Variants in SERPINA1 observed in about 807,000 individuals in gnomAD.
SERPINA1 encodes alpha-1-antitrypsin.
A neutral mutation model predicts 25.4 loss-of-function variants in SERPINA1; 21 were observed. That is an observed-to-expected ratio of 0.83 (90% CI 0.59 to 1.19). SERPINA1 has a LOEUF of 1.19. SERPINA1 is among the 50% of genes most tolerant of loss of function. SERPINA1 has a pLI of 0.00. For missense variants in SERPINA1, 546 were observed against 509.0 expected (o/e 1.07, Z -0.70); for synonymous variants, 218 against 211.1 (o/e 1.03, Z -0.29).
intron 1 of SERPINA1, among the ~76,000 whole-genome samples, chr14:94,387,089 G>A (rs894536272): frequency 6.6e-6 from 1 of 152,210 alleles, no homozygotes; most frequent in African/African-American, 2.4e-5. Context: ...TCATCTCTGT[G>A]TACAAAGCTG....
chr14:94,382,755 C>G lies in SERPINA1; in HGVS notation c.483G>C (p.Leu161Phe). Residue 161 changes from leucine to phenylalanine, a missense_variant, in exon 2 of 5, where the codon TTG (leucine) becomes TTC (phenylalanine). Transcript: ENST00000393087. ...TGACAGTGAAGGCTTCTGAGTGGTA[C>G]AACTTTTTAACATCCTCCAAAAACT... ...VDKFLEDVKK[L>F]YHSEAFTVNF... 6.2e-7 allele frequency: 1 copy of G among 1,614,254 alleles called. No individual in the cohort carries two copies. Among genetic ancestry groups the G allele is most frequent in the Non-Finnish European group, 8.5e-7 (1 of 1,180,046 alleles).
At position 94,382,999 on chromosome 14, in the gene SERPINA1, C is replaced by G; in HGVS notation, c.239G>C (p.Ser80Thr). The change falls in exon 2 of 5, where the codon AGC becomes ACC. Residue 80 changes from serine to threonine, a missense_variant. Ser to Thr is a moderately conservative substitution (Grantham distance 58, BLOSUM62 1). Transcript: ENST00000393087. Reference sequence around the variant, plus strand: ...GAGCATTGCAAAGGCTGTAGCGATGCTCACTGGGGAGAAGAAGATATTGGT... The same window carrying G: ...GAGCATTGCAAAGGCTGTAGCGATGGTCACTGGGGAGAAGAAGATATTGGT... ...NSTNIFFSPV[S>T]IATAFAMLSL... 1.2e-6 allele frequency: 2 copies of G among 1,608,976 alleles called. No homozygotes were observed. Among genetic ancestry groups the G allele is most frequent in the Non-Finnish European group, 1.7e-6 (2 of 1,175,904 alleles).
In SERPINA1 at chr14:94,378,164, A is replaced by G. The variant is rs1312301456; in HGVS notation, c.*285T>C. The G allele has an allele frequency of 2.0e-6, 1 of 507,956 alleles. No homozygotes were observed. The highest frequency in any genetic ancestry group is 3.6e-6 in the Non-Finnish European group (1 of 281,502). The allele number at this position is 507,956 out of a possible 1,614,324, so 31.5% of individuals were successfully genotyped here. A position where few individuals can be genotyped will look rare whatever the true frequency, so the allele number is the denominator to read the frequency against. On this transcript the variant is annotated 3_prime_UTR_variant, in exon 5 of 5. Transcript: ENST00000393087. The stretch of plus-strand genomic sequence containing the variant: ...AGGACAAGGAAGACTGGAGCCCTCC[A>G]GAAACAGATGGGCCCAGGTCCGTAA...
At chr14:94,378,749 C>A in intron 4 of SERPINA1, 109 bp from the exon 5 acceptor site, 1 of 1,151,158 alleles carries the variant, frequency 8.7e-7, no homozygotes, top group Non-Finnish European at 1.3e-6. Context: ...CGGCCCTGGC[C>A]CTGCACATCC....
rs1339787502 is a variant in SERPINA1, at chr14:94,379,042, C to T, written c.1066-402G>A. The T allele has an allele frequency of 1.7e-5, 9 of 523,876 alleles. No individual in the cohort carries two copies. In the East Asian group the frequency reaches 2.0e-4, roughly 11 times the overall value. The allele number at this position is 523,876 out of a possible 1,614,324, so 32.5% of individuals were successfully genotyped here. On this transcript the variant is annotated intron_variant, in intron 4 of 4. Transcript: ENST00000393087. ...CATGGAACTGCAGTTGTTCATTGGT[C>T]GCCTTTAGTTTTCCAAAATAAGTGT...
rs1382063196 is a variant in SERPINA1 at position 94,376,897 on chromosome 14, G to C, written c.*1552C>G. On this transcript the variant is annotated 3_prime_UTR_variant, in exon 5 of 5. Transcript: ENST00000393087. ...GCGACTTCACGAAGGTCACACAGCT[G>C]TCAGGGGGAAAAGTCAGAACTTGGA... is the stretch of plus-strand genomic sequence containing the variant. 6.6e-6 allele frequency: 1 copy of C among 152,208 alleles called. No homozygotes were observed. The highest frequency in any genetic ancestry group is 1.9e-4 in the East Asian group (1 of 5,204). 9.4% of individuals were successfully genotyped at this position (152,208 alleles called of 1,614,324 possible).
rs1178127221 is a variant in SERPINA1 at position 94,383,202 on chromosome 14, C to T, written c.36G>A (p.Leu12=). The T allele has an allele frequency of 1.2e-6, 2 of 1,614,044 alleles. No homozygotes were observed. The highest frequency in any genetic ancestry group is 1.7e-5 in the Admixed American group (1 of 60,030). Residue 12 remains leucine (L), a synonymous_variant, in exon 2 of 5, where the codon CTG becomes CTA. Transcript: ENST00000393087. ...CAGGGACCAGGCAGCACAGGCCTGCCAGCAGGAGGATGCCCCACGAGACAG... is the reference window on the plus strand; with the variant it reads ...CAGGGACCAGGCAGCACAGGCCTGCTAGCAGGAGGATGCCCCACGAGACAG... ...PSSVSWGILL[L]AGLCCLVPVS...
intron 1 of SERPINA1, 200 bp from the exon 2 acceptor site, chr14:94,383,441 T>G: frequency 1.7e-6 from 1 of 605,360 alleles, no homozygotes; most frequent in Non-Finnish European, 2.9e-6. Context: ...AGCACTGTTC[T>G]CCGTGCTCAC....
At chr14:94,382,187 G>T (rs775520673) in intron 2 of SERPINA1, among the ~76,000 whole-genome samples, 1 of 152,216 alleles carries the variant, frequency 6.6e-6, no homozygotes, top group Non-Finnish European at 1.5e-5. Context: ...TTAGAGGCAG[G>T]ATTTGAACCC....
At chr14:94,381,830 C>A (rs749958714) in intron 2 of SERPINA1, among the ~76,000 whole-genome samples, 1 of 152,200 alleles carries the variant, frequency 6.6e-6, no homozygotes, top group African/African-American at 2.4e-5. Context: ...TCTCCACTGC[C>A]CTCCTTTGCC....
At position 94,378,755 on chromosome 14, in the gene SERPINA1, C is replaced by T. The variant is rs1896593270; in HGVS notation, c.1066-115G>A. The T allele has an allele frequency of 1.7e-5, 19 of 1,089,680 alleles. No individual in the cohort carries two copies. The South Asian group carries it at 2.5e-4, about 15-fold the overall frequency. 67.5% of individuals were successfully genotyped at this position (1,089,680 alleles called of 1,614,324 possible). On this transcript the variant is annotated intron_variant, in intron 4 of 4. Coordinates refer to ENST00000393087, the MANE Select transcript of SERPINA1 (RefSeq NM_000295.5). ...CCCCCTGGACGGCCCTGGCCCTGCA[C>T]ATCCTCTCCCTCCCTGTCACATAGG... is the stretch of plus-strand genomic sequence containing the variant.
chr14:94,381,040 T>A lies in SERPINA1; in HGVS notation c.748A>T (p.Met250Leu), dbSNP rs765419872. The A allele has an allele frequency of 6.2e-7, 1 of 1,614,074 alleles. No homozygotes were observed. Among genetic ancestry groups the A allele is most frequent in the East Asian group, 2.2e-5 (1 of 44,870 alleles). Residue 250 changes from methionine to leucine, a missense_variant, in exon 3 of 5, where the codon ATG (methionine) becomes TTG (leucine). Transcript: ENST00000393087. ...VKVPMMKRLG[M>L]FNIQHCKKLS... is the part of the protein sequence containing the mutation. Reference sequence around the variant, plus strand: ...TTCTTACAGTGCTGGATGTTAAACATGCCTAAACGCTTCATCATAGGCACC... The same window carrying A: ...TTCTTACAGTGCTGGATGTTAAACAAGCCTAAACGCTTCATCATAGGCACC...
In SERPINA1 at chr14:94,381,054, A is replaced by G. The variant is rs766260108; in HGVS notation, c.734T>C (p.Met245Thr). 2.5e-6 allele frequency: 4 copies of G among 1,613,736 alleles called. No homozygotes were observed. Among genetic ancestry groups the G allele is most frequent in the Non-Finnish European group, 3.4e-6 (4 of 1,179,968 alleles). Residue 245 changes from methionine (M) to threonine (T), a missense_variant, in exon 3 of 5, where the codon ATG becomes ACG. By Grantham distance (81) the Met-to-Thr change is moderately conservative. Transcript: ENST00000393087. ...GATGTTAAACATGCCTAAACGCTTCATCATAGGCACCTTCACGGTGGTCAC... is the reference window on the plus strand; with the variant it reads ...GATGTTAAACATGCCTAAACGCTTCGTCATAGGCACCTTCACGGTGGTCAC... ...DQVTTVKVPM[M>T]KRLGMFNIQH... is the part of the protein sequence containing the mutation.
chr14:94,382,839 C>T lies in SERPINA1; in HGVS notation c.399G>A (p.Gln133=), dbSNP rs1237415484. ...LLRTLNQPDS[Q]LQLTTGNGLF... The stretch of plus-strand genomic sequence containing the variant: ...GGCCATTGCCGGTGGTCAGCTGGAG[C>T]TGGCTGTCTGGCTGGTTGAGGGTAC... The change falls in exon 2 of 5, where the codon CAG becomes CAA. Residue 133 remains glutamine, a synonymous_variant. Coordinates refer to ENST00000393087, the MANE Select transcript of SERPINA1 (RefSeq NM_000295.5). 9 of 1,614,040 alleles carry T rather than the reference C, an allele frequency of 5.6e-6. No homozygotes were observed. In the African/African-American group the frequency reaches 8.0e-5, roughly 14 times the overall value.
chr14:94,381,382 C>T lies in SERPINA1; in HGVS notation c.647-241G>A, dbSNP rs192599480. Among the ~76,000 whole-genome samples the T allele has an allele frequency of 6.6e-5, 10 of 152,176 alleles. No individual in the cohort carries two copies. The South Asian group carries it at 1.5e-3, about 22-fold the overall frequency. ...AAGATGCAGAATTTCTACATCGTGG[C>T]GATGTCAGGCTAAGAGATGCCATCG... On this transcript the variant is annotated intron_variant, in intron 2 of 4. Coordinates refer to ENST00000393087, the MANE Select transcript of SERPINA1 (RefSeq NM_000295.5).
At position 94,386,387 on chromosome 14, in the gene SERPINA1, G is replaced by A. The variant is rs889002925; in HGVS notation, c.-5+2173C>T. Among the ~76,000 whole-genome samples the A allele has an allele frequency of 7.9e-5, 12 of 152,204 alleles. No homozygotes were observed. In the South Asian group the frequency reaches 1.7e-3, roughly 21 times the overall value. On this transcript the variant is annotated intron_variant, in intron 1 of 4. Coordinates refer to ENST00000393087, the MANE Select transcript of SERPINA1 (RefSeq NM_000295.5). ...TAAAATAAGGGACCAAGAGCAACCC[G>A]GCAGGGTGCAGGGAAGAGAATCTCG...
chr14:94,385,530 T>C (rs959956337), intron 1 of SERPINA1, among the ~76,000 whole-genome samples: 2 of 152,266 alleles, frequency 1.3e-5, no homozygotes, highest in African/African-American at 4.8e-5. Context: ...GGTTTCACCG[T>C]GTTGGCCAGG....
In SERPINA1 at chr14:94,378,202, GT is replaced by G; in HGVS notation, c.*246del. 3.4e-6 allele frequency: 2 copies of G among 579,748 alleles called. No homozygotes were observed. The highest frequency in any genetic ancestry group is 5.8e-5 in the East Asian group (2 of 34,290). 35.9% of individuals were successfully genotyped at this position (579,748 alleles called of 1,614,324 possible). A position where few individuals can be genotyped will look rare whatever the true frequency, so the allele number is the denominator to read the frequency against. On this transcript the variant is annotated 3_prime_UTR_variant, in exon 5 of 5. Coordinates refer to ENST00000393087, the MANE Select transcript of SERPINA1 (RefSeq NM_000295.5). ...CCCAGGTCCGTAAGCTGAGGATTCAGTCCCCCCTGGATTCAAGCCCAGCATG... is the reference window on the plus strand; with the variant it reads ...CCCAGGTCCGTAAGCTGAGGATTCAGCCCCCCTGGATTCAAGCCCAGCATG...
chr14:94,385,355 G>A (rs1897222688), intron 1 of SERPINA1, among the ~76,000 whole-genome samples: 1 of 152,260 alleles, frequency 6.6e-6, no homozygotes, highest in African/African-American at 2.4e-5. Flanking sequence ...TTGAGACAGA[G>A]TCTCGCTTTA....
Sources: gnomAD v4.1 joint callset for allele counts (sites outside exome capture counted in the v4.1 genomes callset) on GRCh38, gnomAD v4.1.1 for gene constraint, MANE v1.5 for transcripts, NCBI Gene and HGNC (gene_info 2026-07-23, HGNC 2026-07-21) for gene names.